Variants in UBR4 observed in about 807,000 individuals in gnomAD.
The protein encoded by UBR4 is E3 ubiquitin-protein ligase UBR4.
A neutral mutation model predicts 575.6 loss-of-function variants in UBR4; 124 were observed. The observed-to-expected ratio is 0.22, with a 90% CI of 0.19 to 0.25. The LOEUF (loss-of-function observed/expected upper bound fraction) is 0.25. UBR4 is among the 10% of genes least tolerant of loss of function. The pLI, the probability that UBR4 is intolerant of heterozygous loss-of-function variation, is 1.00. For synonymous variants in UBR4, 2,455 were observed against 2,473.7 expected, an observed-to-expected ratio of 0.99 and a Z score of 0.22; for missense variants, 4,818 against 6,478.8, an observed-to-expected ratio of 0.74 and a Z score of 8.80.
intron 28 of UBR4, 78 bp downstream of exon 28, chr1:19,167,949 A>G (rs2088802525): frequency 7.1e-7 from 1 of 1,411,914 alleles, no homozygotes; most frequent in East Asian, 2.4e-5. Context: ...CTACATAGTT[A>G]TAAAACTCTC....
At chr1:19,168,311 A>G (rs2088861669) in intron 27 of UBR4, 127 bp from the exon 28 acceptor site, 1 of 814,700 alleles carries the variant, frequency 1.2e-6, no homozygotes, top group African/African-American at 1.7e-5. Flanking sequence ...TCTACTCAGT[A>G]TACACTGTTA....
At chr1:19,131,243 TAAAAAAAAAAAAAAA>T (rs869155620) in intron 60 of UBR4, among the ~76,000 whole-genome samples, 1 of 102,948 alleles carries the variant, frequency 9.7e-6, no homozygotes, top group Non-Finnish European at 1.9e-5. Flanking sequence ...TCTTGAAACT[TAAAAAAAAAAAAAAA>T]AAAAAAAAAA....
rs530578440 is a variant in UBR4 at position 19,138,035 on chromosome 1, TTTCTCC to T, written c.8872_8877del (p.Gly2958_Glu2959del). 175 of 1,573,650 alleles carry T rather than the reference TTTCTCC, an allele frequency of 1.1e-4. 1 individual carries two copies. The African/African-American group carries it at 1.3e-3, about 12-fold the overall frequency. On this transcript the variant is annotated inframe_deletion, in exon 60 of 106. Coordinates refer to ENST00000375254, the MANE Select transcript of UBR4 (RefSeq NM_020765.3). Reference sequence around the variant, plus strand: ...TTGCTAGTGTGGACATCTCCTTCAGTTTCTCCTTCTCCTTCTCCCTCGGAGCCATCT... The same window carrying T: ...TTGCTAGTGTGGACATCTCCTTCAGTTTCTCCTTCTCCCTCGGAGCCATCT...
intron 50 of UBR4, 128 bp from the exon 51 acceptor site, chr1:19,148,255 G>GAA: frequency 8.2e-7 from 1 of 1,222,262 alleles, no homozygotes; most frequent in East Asian, 2.6e-5. Context: ...GGACTGCAAA[G>GAA]AGAAAAAAAA....
intron 43 of UBR4, 99 bp downstream of exon 43, chr1:19,155,342 T>C: frequency 7.9e-7 from 1 of 1,271,852 alleles, no homozygotes; most frequent in Non-Finnish European, 1.1e-6. Flanking sequence ...TTAGATGAAG[T>C]CCACAGAAAA....
rs143351261 is a variant in UBR4, at chr1:19,151,809, C to G, written c.7047G>C (p.Met2349Ile). Residue 2349 changes from methionine to isoleucine, a missense_variant, in exon 48 of 106, where the codon ATG becomes ATC. Around this residue, in one of 29 missense-constraint regions of UBR4, gnomAD observed 461 missense variants for 606.9 expected, o/e 0.76. Transcript: ENST00000375254. ...TCCCAATCTGGATCCGCATGCCTGT[C>G]ATCACCATAGTGCTATTGTTGTTAC... ...EISNNNSTMVMTGMRIQIGTQ... is the reference protein window; with the variant it reads ...EISNNNSTMVITGMRIQIGTQ... The G allele has an allele frequency of 6.7e-5, 108 of 1,613,750 alleles. No individual in the cohort carries two copies. The highest frequency in any genetic ancestry group is 8.7e-5 in the Non-Finnish European group (103 of 1,179,880).
chr1:19,187,991 C>A (rs2091709044), intron 11 of UBR4, among the ~76,000 whole-genome samples: 1 of 151,126 alleles, frequency 6.6e-6, no homozygotes, highest in African/African-American at 2.4e-5. Context: ...TGCACTCCAG[C>A]CTGGGTGACA....
In UBR4 at chr1:19,164,295, T is replaced by G; in HGVS notation, c.4658A>C (p.His1553Pro). ...TLASAGQGAGHLQLHNAAVDW... is the reference protein window; with the variant it reads ...TLASAGQGAGPLQLHNAAVDW... ...CACAGCAGCATTATGAAGCTGAAGG[T>G]GACCAGCACCTTGACCTGCACTGGC... The change falls in exon 33 of 106, where the codon CAC becomes CCC. Residue 1553 changes from histidine (H) to proline (P), a missense_variant. By Grantham distance (77) the His-to-Pro change is moderately conservative. This residue lies in a region of UBR4 where 1,172 missense variants were observed against 1,259.7 expected (regional missense o/e 0.93). Transcript: ENST00000375254. 1 of 1,614,178 alleles carries G rather than the reference T, an allele frequency of 6.2e-7. No individual in the cohort carries two copies.
intron 51 of UBR4, among the ~76,000 whole-genome samples, chr1:19,147,321 T>A (rs1358032770): frequency 6.6e-6 from 1 of 152,234 alleles, no homozygotes. Context: ...CAAATTCATA[T>A]TACCCAAGGA....
At chr1:19,166,714 C>CAAAAAAAAAAAAAAAAAAAAAAAAAAAAA (rs535369262) in intron 29 of UBR4, among the ~76,000 whole-genome samples, 1 of 73,710 alleles carries the variant, frequency 1.4e-5, no homozygotes, top group African/African-American at 6.6e-5. Flanking sequence ...CCATCTCTAC[C>CAAAAAAAAAAAAAAAAAAAAAAAAAAAAA]AAAAAAAAAA....
In UBR4 at chr1:19,192,551, TC is replaced by T. The variant is rs760226602; in HGVS notation, c.1144-12del. The T allele has an allele frequency of 6.2e-7, 1 of 1,613,970 alleles. No individual in the cohort carries two copies. Reference sequence around the variant, plus strand: ...GTCATAGATTTCGAGCTGTACAATATCAAACAGACACAAAAATCTGAACAAG... The same window carrying T: ...GTCATAGATTTCGAGCTGTACAATATAAACAGACACAAAAATCTGAACAAG... On this transcript the variant is annotated splice_polypyrimidine_tract_variant and intron_variant, in intron 9 of 105. Transcript: ENST00000375254.
At chr1:19,181,092 AC>A (rs1197798666) in intron 17 of UBR4, among the ~76,000 whole-genome samples, 1 of 152,100 alleles carries the variant, frequency 6.6e-6, no homozygotes. Context: ...TTAAACTGAA[AC>A]CTTAGGCCGA....
In UBR4 at chr1:19,143,983, TTG is replaced by T; in HGVS notation, c.8174_8175del (p.Pro2725HisfsTer6). On this transcript the variant is annotated frameshift_variant, in exon 55 of 106. Transcript: ENST00000375254. LOFTEE classifies it high-confidence loss of function. ...CTAAACCCAGACCTCATATTACCCATTGGAGTGTTGCTTCGAGGGGAAGAGGG... is the reference window on the plus strand; with the variant it reads ...CTAAACCCAGACCTCATATTACCCATGAGTGTTGCTTCGAGGGGAAGAGGG... ...TLPSSPRSNTPMGDKDDDDDD... is the reference protein window; with the variant it reads ...TLPSSPRSNTXMGDKDDDDDD... 1 of 1,613,090 alleles carries T rather than the reference TTG, an allele frequency of 6.2e-7. No individual in the cohort carries two copies. The highest frequency in any genetic ancestry group is 8.5e-7 in the Non-Finnish European group (1 of 1,179,190).
At chr1:19,113,656 C>T (rs1248423531) in intron 77 of UBR4, 43 bp downstream of exon 77, 3 of 1,610,408 alleles carry the variant, frequency 1.9e-6, no homozygotes, top group East Asian at 2.2e-5. Context: ...ACACCAGTAA[C>T]ACTTGGACAA....
chr1:19,184,198 A>C (rs2091299713), intron 15 of UBR4, 23 bp from the exon 16 acceptor site: 1 of 1,610,890 alleles, frequency 6.2e-7, no homozygotes, highest in African/African-American at 1.3e-5. Flanking sequence ...CACACAAAAA[A>C]GCTCTTATCA....
intron 60 of UBR4, among the ~76,000 whole-genome samples, chr1:19,129,632 TC>T (rs1218147991): frequency 2.6e-5 from 4 of 152,248 alleles, no homozygotes; most frequent in African/African-American, 9.6e-5. Context: ...TGCCACACTG[TC>T]CTACTGGACC....
intron 48 of UBR4, 53 bp downstream of exon 48, chr1:19,151,590 C>A: frequency 6.3e-7 from 1 of 1,597,198 alleles, no homozygotes; most frequent in South Asian, 1.1e-5. Flanking sequence ...CAGTGGCTCC[C>A]AATTTCGCAG....
chr1:19,117,982 T>C lies in UBR4; in HGVS notation c.10542-72A>G, dbSNP rs1201349949. The C allele has an allele frequency of 3.4e-6, 5 of 1,476,102 alleles. No homozygotes were observed. In the African/African-American group the frequency reaches 4.2e-5, roughly 12 times the overall value. 91.4% of individuals were successfully genotyped at this position (1,476,102 alleles called of 1,614,324 possible). A position where few individuals can be genotyped will look rare whatever the true frequency, so the allele number is the denominator to read the frequency against. Reference sequence around the variant, plus strand: ...AGCACTGAGTTTCACAAAAAAATCATGACAAAGCCATGGCTCAATGTGAGC... The same window carrying C: ...AGCACTGAGTTTCACAAAAAAATCACGACAAAGCCATGGCTCAATGTGAGC... On this transcript the variant is annotated intron_variant, in intron 71 of 105. Transcript: ENST00000375254. This position sits in a 1 kb window ranked among gnomAD's most constrained non-coding sequence, Gnocchi z 4.0.
chr1:19,081,993 G>GT, intron 102 of UBR4: 1 of 581,870 alleles, frequency 1.7e-6, no homozygotes, highest in Non-Finnish European at 3.1e-6. Context: ...CATGAATCAA[G>GT]ATTCCCTGGT....
Sources: allele counts gnomAD v4.1 joint callset (sites outside exome capture counted in the v4.1 genomes callset), GRCh38; gene constraint gnomAD v4.1.1; regional missense constraint gnomAD v4.1.1; non-coding constraint Gnocchi (gnomAD v3.1); transcripts MANE v1.5; gene names NCBI Gene and HGNC (gene_info 2026-07-23, HGNC 2026-07-21).